DCDC1: variants seen among roughly 807,000 people sequenced by gnomAD.
DCDC1 encodes doublecortin domain-containing protein 1.
In DCDC1, 200 loss-of-function variants were observed where a neutral mutation model predicts 178.3. That is an observed-to-expected ratio of 1.12 (90% CI 1.00 to 1.26). DCDC1 has a LOEUF of 1.26. Among genes scored for constraint, DCDC1 ranks in the 50% most tolerant of loss-of-function variants. DCDC1 has a pLI of 0.00. For synonymous variants in DCDC1, 690 were observed against 604.8 expected, an observed-to-expected ratio of 1.14 and a Z score of -2.07; for missense variants, 1,983 against 1,749.2, an observed-to-expected ratio of 1.13 and a Z score of -2.38.
Position 31,064,487 on chromosome 11 carries a change from G to A in DCDC1, c.2573C>T (p.Pro858Leu), listed in dbSNP as rs1372772856. The A allele has an allele frequency of 1.3e-6, 1 of 765,696 alleles. No individual in the cohort carries two copies. The allele number at this position is 765,696 out of a possible 1,614,324, so 47.4% of individuals were successfully genotyped here. A position where few individuals can be genotyped will look rare whatever the true frequency, so the allele number is the denominator to read the frequency against. Reference protein sequence around the residue: ...ALVRKLEEKHPKASAQRWAIK... With the variant: ...ALVRKLEEKHLKASAQRWAIK... ...ACCCTACCTCTGAGCAGAAGCCTTAGGATGTTTCTCTTCCAGTTTCCTCAC... is the reference window on the plus strand; with the variant it reads ...ACCCTACCTCTGAGCAGAAGCCTTAAGATGTTTCTCTTCCAGTTTCCTCAC... Residue 858 changes from proline to leucine, a missense_variant, in exon 20 of 39, where the codon CCT becomes CTT. Physicochemically the swap from Pro to Leu is moderately conservative, Grantham distance 98. Coordinates refer to ENST00000684477, the MANE Select transcript of DCDC1 (RefSeq NM_001387274.1).
intron 20 of DCDC1, among the ~76,000 whole-genome samples, chr11:31,009,438 T>TTGTGTGTGTGTGTGTG (rs139389381): frequency 2.1e-5 from 3 of 144,518 alleles, no homozygotes; most frequent in South Asian, 2.3e-4. Context: ...CACAGTTTCT[T>TTGTGTGTGTGTGTGTG]TGTGTGTGTG....
intron 11 of DCDC1, among the ~76,000 whole-genome samples, chr11:31,115,125 A>T (rs1293706095): frequency 2.6e-5 from 4 of 152,202 alleles, no homozygotes; most frequent in African/African-American, 9.6e-5. Flanking sequence ...TACTAAAAAC[A>T]TTTTATTGAC....
chr11:31,326,975 C>A (rs552767429), intron 3 of DCDC1, among the ~76,000 whole-genome samples: 1 of 152,174 alleles, frequency 6.6e-6, no homozygotes, highest in Non-Finnish European at 1.5e-5. Context: ...GGAAGAATAC[C>A]GTCTCCTCTG....
intron 17 of DCDC1, among the ~76,000 whole-genome samples, chr11:31,087,072 T>C (rs1023429906): frequency 6.6e-6 from 1 of 152,140 alleles, no homozygotes; most frequent in Non-Finnish European, 1.5e-5. Context: ...TGTAGGACTA[T>C]TCAGGTTTCC....
At chr11:30,945,722 ATCT>A (rs1947985307) in intron 21 of DCDC1, among the ~76,000 whole-genome samples, 1 of 146,982 alleles carries the variant, frequency 6.8e-6, no homozygotes, top group Non-Finnish European at 1.5e-5. Context: ...CTATCTATCT[ATCT>A]ATCTATCTAT....
intron 26 of DCDC1, among the ~76,000 whole-genome samples, 191 bp downstream of exon 26, chr11:30,916,679 T>C (rs1007149947): frequency 6.6e-6 from 1 of 151,984 alleles, no homozygotes; most frequent in Non-Finnish European, 1.5e-5. Context: ...CTGAACAAAA[T>C]AAACCAAAGA....
chr11:31,253,164 T>C lies in DCDC1; in HGVS notation c.1055-11548A>G, dbSNP rs570241681. 4.6e-5 allele frequency among the ~76,000 whole-genome samples: 7 copies of C among 152,180 alleles called. No homozygotes were observed. In the South Asian group the frequency reaches 1.4e-3, roughly 32 times the overall value. On this transcript the variant is annotated intron_variant, in intron 8 of 38. Transcript: ENST00000684477. ...AAAGCAGTTAATAGTGAGTAATTCA[T>C]TGCAAATGTAATTCAACAAAGAAAT...
chr11:31,094,140 C>T lies in DCDC1; in HGVS notation c.2028G>A (p.Lys676=). 1.3e-6 allele frequency: 1 copy of T among 766,238 alleles called. No individual in the cohort carries two copies. Among genetic ancestry groups the T allele is most frequent in the Non-Finnish European group, 2.4e-6 (1 of 417,810 alleles). The allele number at this position is 766,238 out of a possible 1,614,324, so 47.5% of individuals were successfully genotyped here. The change falls in exon 16 of 39, where the codon AAG becomes AAA. Residue 676 remains lysine, a synonymous_variant. Transcript: ENST00000684477. The stretch of plus-strand genomic sequence containing the variant: ...TTGCTTCACTGCCTGAGAAACTCCA[C>T]TTTCCAATGGAAACAGAGGCATGAA... The part of the protein sequence containing the change: ...IVLHASVSIG[K]WSFSGSEASS...
chr11:31,148,200 T>C (rs542688163), intron 9 of DCDC1, among the ~76,000 whole-genome samples: 1 of 134,496 alleles, frequency 7.4e-6, no homozygotes, highest in African/African-American at 2.9e-5. Context: ...AGAGCTAGAA[T>C]TTATTATTAT....
chr11:31,175,123 T>C (rs893614264), intron 9 of DCDC1, among the ~76,000 whole-genome samples: 1 of 152,218 alleles, frequency 6.6e-6, no homozygotes, highest in African/African-American at 2.4e-5. Context: ...ACACCCTCTT[T>C]GAGGCACAGT....
At chr11:31,263,200 G>T in intron 8 of DCDC1, 2 of 847,726 alleles carry the variant, frequency 2.4e-6, no homozygotes, top group South Asian at 2.4e-5. Flanking sequence ...CAAATCTGAT[G>T]TTTTAATTCC....
chr11:31,144,589 T>G (rs1964237513), intron 9 of DCDC1, among the ~76,000 whole-genome samples: 1 of 152,220 alleles, frequency 6.6e-6, no homozygotes, highest in Non-Finnish European at 1.5e-5. Context: ...ATCCATCAAA[T>G]TTTTTGACCG....
At chr11:30,888,098 A>AAAAGAAAGAAAGAAAGAAAAAG (rs1943401253) in intron 36 of DCDC1, among the ~76,000 whole-genome samples, 5 of 105,502 alleles carry the variant, frequency 4.7e-5, no homozygotes, top group African/African-American at 1.9e-4. Context: ...GAAAGAAAGA[A>AAAAGAAAGAAAGAAAGAAAAAG]AAAGAAAGAA....
chr11:30,924,791 G>C (rs538178921), intron 23 of DCDC1, among the ~76,000 whole-genome samples: 1 of 151,902 alleles, frequency 6.6e-6, no homozygotes, highest in Non-Finnish European at 1.5e-5. Flanking sequence ...AGATTAATTC[G>C]GCCGGGCGCG....
intron 9 of DCDC1, among the ~76,000 whole-genome samples, chr11:31,240,231 A>ACAATAATTT (rs1976949523): frequency 6.6e-6 from 1 of 151,990 alleles, no homozygotes; most frequent in Non-Finnish European, 1.5e-5. Context: ...AATTTAATCT[A>ACAATAATTT]AATGCAATAA....
intron 7 of DCDC1, among the ~76,000 whole-genome samples, chr11:31,267,037 T>C (rs985828576): frequency 3.3e-5 from 5 of 152,214 alleles, no homozygotes; most frequent in African/African-American, 9.6e-5. Flanking sequence ...CATGTCCCCA[T>C]GGACCACATG....
intron 20 of DCDC1, among the ~76,000 whole-genome samples, chr11:31,060,982 T>C (rs1357471583): frequency 2.0e-5 from 3 of 152,148 alleles, no homozygotes; most frequent in African/African-American, 7.2e-5. Flanking sequence ...AAGAGAAATG[T>C]CAGTGCGATC....
intron 3 of DCDC1, among the ~76,000 whole-genome samples, chr11:31,325,588 A>C (rs912837121): frequency 1.3e-5 from 2 of 152,172 alleles, no homozygotes; most frequent in African/African-American, 4.8e-5. Context: ...ATGGAAAGAA[A>C]GAACAGAGGG....
At chr11:31,264,669 A>G (rs908116883) in intron 8 of DCDC1, among the ~76,000 whole-genome samples, 1 of 152,230 alleles carries the variant, frequency 6.6e-6, no homozygotes, top group African/African-American at 2.4e-5. Flanking sequence ...CTGGTCCAGA[A>G]TAAGTACTAC....
Sources: gnomAD v4.1 joint callset for allele counts (sites outside exome capture counted in the v4.1 genomes callset) on GRCh38, gnomAD v4.1.1 for gene constraint, MANE v1.5 for transcripts, NCBI Gene and HGNC (gene_info 2026-07-23, HGNC 2026-07-21) for gene names.